Variants in XXYLT1 observed in about 807,000 individuals in gnomAD.
XXYLT1 encodes UDP-xylose:alpha-xyloside alpha-1,3-xylosyltransferase.
In XXYLT1, 20 loss-of-function variants were observed where a neutral mutation model predicts 28.9. The observed-to-expected ratio is 0.69, with a 90% CI of 0.49 to 1.00. The LOEUF is 1.00. XXYLT1 is among the 50% of genes least tolerant of loss of function. The pLI is 0.00. For missense variants in XXYLT1, 542 were observed against 560.1 expected, an observed-to-expected ratio of 0.97 and a Z score of 0.33; for synonymous variants, 257 against 253.8, an observed-to-expected ratio of 1.01 and a Z score of -0.12.
chr3:195,175,450 A>C (rs1337194740), intron 2 of XXYLT1, among the ~76,000 whole-genome samples: 1 of 152,232 alleles, frequency 6.6e-6, no homozygotes, highest in Non-Finnish European at 1.5e-5. Context: ...GTCATTAGCC[A>C]AGCTTCGGAA....
intron 1 of XXYLT1, among the ~76,000 whole-genome samples, chr3:195,243,265 C>T (rs1361677855): frequency 2.6e-5 from 4 of 151,466 alleles, no homozygotes; most frequent in East Asian, 1.9e-4. Flanking sequence ...ATGTAAATGA[C>T]GAGTTAATGG....
chr3:195,159,994 A>C (rs1720792180), intron 2 of XXYLT1, among the ~76,000 whole-genome samples: 1 of 152,128 alleles, frequency 6.6e-6, no homozygotes, highest in African/African-American at 2.4e-5. Flanking sequence ...TCAGCATCCA[A>C]TTAAACCAGC....
In XXYLT1 at chr3:195,255,339, C is replaced by T. The variant is rs965424015; in HGVS notation, c.504+15216G>A. Among the ~76,000 whole-genome samples the T allele has an allele frequency of 2.6e-5, 4 of 152,154 alleles. No homozygotes were observed. The highest frequency in any genetic ancestry group is 2.9e-5 in the Non-Finnish European group (2 of 68,020). On this transcript the variant is annotated intron_variant, in intron 1 of 3. Transcript: ENST00000310380. This position sits in a 1 kb window ranked among gnomAD's most constrained non-coding sequence, Gnocchi z 4.5. ...GCGGGGTTCCCTACCCCACACGGCT[C>T]GCACCCACGAGCTCAGCCCCCAGCA...
At chr3:195,087,671 C>A (rs1715809566) in intron 3 of XXYLT1, among the ~76,000 whole-genome samples, 1 of 152,190 alleles carries the variant, frequency 6.6e-6, no homozygotes, top group South Asian at 2.1e-4. Flanking sequence ...TTAGATGCTA[C>A]TGGAGGAGCC....
chr3:195,094,562 C>T (rs2108665060), intron 3 of XXYLT1: 1 of 154,054 alleles, frequency 6.5e-6, no homozygotes. Flanking sequence ...GATCTAAGCG[C>T]TTCGATCCCA....
At chr3:195,112,960 T>TAAC (rs1717858920) in intron 3 of XXYLT1, among the ~76,000 whole-genome samples, 2 of 152,250 alleles carry the variant, frequency 1.3e-5, no homozygotes, top group Non-Finnish European at 2.9e-5. Context: ...AACATGGGTT[T>TAAC]CAAAATCCAA....
intron 2 of XXYLT1, among the ~76,000 whole-genome samples, chr3:195,175,281 C>T (rs895591835): frequency 1.3e-5 from 2 of 152,216 alleles, no homozygotes; most frequent in East Asian, 1.9e-4. Context: ...GGCTCTTCTA[C>T]AGTCAGGAGG....
Position 195,168,562 on chromosome 3 carries a change from C to T in XXYLT1, c.653-11981G>A, listed in dbSNP as rs1371299306. Reference sequence around the variant, plus strand: ...GCAGCCCTGCTCCCCAGTCACCCAGCAAGCATGGGCAGGCCCTGCTGAGAG... The same window carrying T: ...GCAGCCCTGCTCCCCAGTCACCCAGTAAGCATGGGCAGGCCCTGCTGAGAG... On this transcript the variant is annotated intron_variant, in intron 2 of 3. Transcript: ENST00000310380. The surrounding 1 kb of genome is among the most constrained non-coding windows in gnomAD (Gnocchi z 4.3). Among the ~76,000 whole-genome samples, 5 of 152,218 alleles carry T rather than the reference C, an allele frequency of 3.3e-5. No individual in the cohort carries two copies. Among genetic ancestry groups the T allele is most frequent in the Admixed American group, 1.3e-4 (2 of 15,288 alleles).
intron 3 of XXYLT1, among the ~76,000 whole-genome samples, chr3:195,082,016 G>A (rs181905529): frequency 3.9e-5 from 6 of 152,228 alleles, no homozygotes; most frequent in African/African-American, 4.8e-5. Flanking sequence ...GAACTCCAAC[G>A]ATTGATGATG....
rs531609074 is a variant in XXYLT1 at position 195,139,479 on chromosome 3, G to A, written c.785+16970C>T. Among the ~76,000 whole-genome samples, 43 of 152,292 alleles carry A rather than the reference G, an allele frequency of 2.8e-4. 1 individual carries two copies. The highest frequency in any genetic ancestry group is 2.7e-3 in the Admixed American group (41 of 15,302). On this transcript the variant is annotated intron_variant, in intron 3 of 3. Transcript: ENST00000310380. Reference sequence around the variant, plus strand: ...TCACATTTGGCAAAGGTACCTCCACGTCGCAGGAGTGCAGCCACGGACGCT... The same window carrying A: ...TCACATTTGGCAAAGGTACCTCCACATCGCAGGAGTGCAGCCACGGACGCT...
intron 2 of XXYLT1, among the ~76,000 whole-genome samples, chr3:195,188,758 G>A (rs1015735180): frequency 2.0e-5 from 3 of 152,212 alleles, no homozygotes; most frequent in African/African-American, 7.2e-5. Flanking sequence ...TCTCAAGGTT[G>A]AATGGCAACA....
intron 2 of XXYLT1, among the ~76,000 whole-genome samples, chr3:195,190,321 C>T (rs1722364247): frequency 6.6e-6 from 1 of 151,464 alleles, no homozygotes; most frequent in African/African-American, 2.4e-5. Context: ...ATGGTAAAAC[C>T]CCACCTCTAC....
At chr3:195,175,813 G>A (rs1220615418) in intron 2 of XXYLT1, 11 of 1,432,908 alleles carry the variant, frequency 7.7e-6, no homozygotes, top group African/African-American at 5.8e-5. Context: ...CAGGATGGAA[G>A]TGGCCTCGAT....
intron 3 of XXYLT1, among the ~76,000 whole-genome samples, chr3:195,090,497 A>T (rs2108660445): frequency 6.6e-6 from 1 of 150,652 alleles, no homozygotes; most frequent in South Asian, 2.1e-4. Context: ...AAGACACAAC[A>T]TACCAGAATC....
chr3:195,197,803 G>T (rs1407430641), intron 2 of XXYLT1, among the ~76,000 whole-genome samples: 1 of 152,144 alleles, frequency 6.6e-6, no homozygotes, highest in Non-Finnish European at 1.5e-5. Context: ...TGACACAACT[G>T]GTCAAATACT....
intron 1 of XXYLT1, chr3:195,259,570 C>A: frequency 1.0e-6 from 1 of 985,454 alleles, no homozygotes. Context: ...AGGCCTCCCG[C>A]CCCAGGTACA....
chr3:195,110,264 G>GTGTAT (rs1443135060), intron 3 of XXYLT1, among the ~76,000 whole-genome samples: 3 of 2,234 alleles, frequency 1.3e-3, no homozygotes, highest in Admixed American at 7.9e-3. Flanking sequence ...AGTGTGTGTG[G>GTGTAT]GTGTGTGGTG....
rs1032479812 is a variant in XXYLT1, at chr3:195,077,750, AG to A, written c.786-7640del. On this transcript the variant is annotated intron_variant, in intron 3 of 3. Coordinates refer to ENST00000310380, the MANE Select transcript of XXYLT1 (RefSeq NM_152531.5). The surrounding 1 kb of genome is among the most constrained non-coding windows in gnomAD (Gnocchi z 4.8). ...GTCCGTTTCTCCAGAGCCCTGCAGA[AG>A]GGCAGCTGGCAGGCCTGAGGCCTCC... Among the ~76,000 whole-genome samples the A allele has an allele frequency of 6.6e-6, 1 of 152,126 alleles. No individual in the cohort carries two copies. The highest frequency in any genetic ancestry group is 1.5e-5 in the Non-Finnish European group (1 of 68,004).
chr3:195,270,352 C>A (rs2108864136), intron 1 of XXYLT1: 3 of 1,234,964 alleles, frequency 2.4e-6, no homozygotes, highest in East Asian at 5.9e-5. Flanking sequence ...CAGCTCCACT[C>A]CTCAGCACCA....
Sources: gnomAD v4.1 joint callset for allele counts (sites outside exome capture counted in the v4.1 genomes callset) on GRCh38, gnomAD v4.1.1 for gene constraint, Gnocchi (gnomAD v3.1) non-coding constraint, MANE v1.5 for transcripts, NCBI Gene and HGNC (gene_info 2026-07-23, HGNC 2026-07-21) for gene names.